The following FAM193A variants were observed in gnomAD, a reference collection of about 807,000 sequenced individuals.
The protein encoded by FAM193A is family with sequence similarity 193 member A.
Under a neutral mutation model 126.5 loss-of-function variants are expected in FAM193A, and 22 were observed. The observed-to-expected ratio is 0.17, with a 90% CI of 0.12 to 0.25. The LOEUF (loss-of-function observed/expected upper bound fraction) is 0.25. Ranked by LOEUF, FAM193A falls within the 10% of genes least tolerant of loss-of-function variation. The pLI, the probability that FAM193A is intolerant of heterozygous loss-of-function variation, is 1.00. For synonymous variants in FAM193A, 761 were observed against 646.8 expected (o/e 1.18, Z -2.68); for missense variants, 1,675 against 1,672.8 (o/e 1.00, Z -0.02).
intron 4 of FAM193A, among the ~76,000 whole-genome samples, chr4:2,627,807 A>G (rs1051898930): frequency 4.0e-5 from 6 of 151,260 alleles, no homozygotes; most frequent in African/African-American, 1.5e-4. Context: ...CAGTGGCGCA[A>G]TCTGGGCTCA....
chr4:2,545,044 G>GT (rs1296088197), intron 1 of FAM193A, among the ~76,000 whole-genome samples: 2 of 151,906 alleles, frequency 1.3e-5, no homozygotes, highest in African/African-American at 4.8e-5. Context: ...CCAGGCTGGA[G>GT]TGCAGTGGCG....
At chr4:2,607,870 A>G (rs1439579357) in intron 2 of FAM193A, 2 of 679,690 alleles carry the variant, frequency 2.9e-6, no homozygotes, top group Non-Finnish European at 4.9e-6. Context: ...TATTGGTTGT[A>G]TGTGTTGCAG....
intron 1 of FAM193A, among the ~76,000 whole-genome samples, chr4:2,538,229 C>G (rs1356164912): frequency 6.6e-6 from 1 of 150,850 alleles, no homozygotes; most frequent in Non-Finnish European, 1.5e-5. Context: ...AACGGAGTCT[C>G]GCTCTGTCGC....
chr4:2,615,676 G>A (rs1360450624), intron 2 of FAM193A, among the ~76,000 whole-genome samples: 9 of 151,792 alleles, frequency 5.9e-5, no homozygotes, highest in Admixed American at 5.3e-4. Flanking sequence ...GCGCCACCAC[G>A]CCCAGGTAAT....
At chr4:2,576,800 T>C (rs1203002189) in intron 1 of FAM193A, among the ~76,000 whole-genome samples, 4 of 152,242 alleles carry the variant, frequency 2.6e-5, no homozygotes, top group African/African-American at 9.6e-5. Context: ...GTAGGTGCTG[T>C]TGTTACCCCA....
chr4:2,588,107 A>G (rs565679587), intron 1 of FAM193A, among the ~76,000 whole-genome samples: 222 of 152,178 alleles, frequency 1.5e-3, no homozygotes, highest in Non-Finnish European at 2.2e-3. Context: ...GTGAATACCC[A>G]TCTTCCTTTA....
chr4:2,682,587 A>G lies in FAM193A; in HGVS notation c.2332-6919A>G, dbSNP rs1053080221. Among the ~76,000 whole-genome samples, 4 of 152,298 alleles carry G rather than the reference A, an allele frequency of 2.6e-5. No individual in the cohort carries two copies. The East Asian group carries it at 7.7e-4, about 29-fold the overall frequency. ...TGTTTGTAATTGTTTCCTATTCATT[A>G]TGAGTCTTTTTCTGCCTTCTCTACT... On this transcript the variant is annotated intron_variant, in intron 13 of 20. Coordinates refer to ENST00000637812, the MANE Select transcript of FAM193A (RefSeq NM_001366318.2).
At chr4:2,596,037 C>G in intron 1 of FAM193A, 47 bp from the exon 2 acceptor site, 1 of 666,646 alleles carries the variant, frequency 1.5e-6, no homozygotes, top group Non-Finnish European at 2.7e-6. Context: ...ATATTCTTGG[C>G]TTTGTAGATG....
intron 1 of FAM193A, among the ~76,000 whole-genome samples, chr4:2,580,316 G>A (rs1446382533): frequency 1.3e-5 from 2 of 152,166 alleles, no homozygotes; most frequent in Non-Finnish European, 2.9e-5. Context: ...AACATACACT[G>A]TGGCCTATCA....
intron 4 of FAM193A, among the ~76,000 whole-genome samples, chr4:2,629,623 G>A (rs1227238690): frequency 4.6e-5 from 7 of 152,118 alleles, no homozygotes; most frequent in Non-Finnish European, 7.4e-5. Flanking sequence ...TAGGTGAAAG[G>A]ATTTACTATG....
chr4:2,637,066 C>T (rs1744153317), intron 5 of FAM193A, among the ~76,000 whole-genome samples: 1 of 152,194 alleles, frequency 6.6e-6, no homozygotes, highest in East Asian at 1.9e-4. Context: ...GTGGCCCACA[C>T]CTGTAATCCC....
chr4:2,537,667 T>C (rs1736970281), intron 1 of FAM193A, among the ~76,000 whole-genome samples: 1 of 152,224 alleles, frequency 6.6e-6, no homozygotes, highest in Non-Finnish European at 1.5e-5. Flanking sequence ...GAAATGTTTC[T>C]CTGGCCACCT....
chr4:2,728,827 C>G (rs890342381), intron 20 of FAM193A, among the ~76,000 whole-genome samples: 6 of 144,588 alleles, frequency 4.1e-5, no homozygotes, highest in African/African-American at 1.6e-4. Flanking sequence ...TTAAAACATT[C>G]AAAGACAAAC....
upstream of FAM193A, chr4:2,536,624 C>T (rs1311904587): frequency 2.7e-5 from 4 of 150,266 alleles, no homozygotes; most frequent in Non-Finnish European, 5.9e-5. Context: ...CTGCTCCTTC[C>T]CCCTCCCCCG....
At chr4:2,731,409 C>T (rs1721377486) in intron 20 of FAM193A, among the ~76,000 whole-genome samples, 1 of 151,836 alleles carries the variant, frequency 6.6e-6, no homozygotes, top group South Asian at 2.1e-4. Flanking sequence ...TGGTCTCGAA[C>T]TCCTAAGTTG....
At chr4:2,643,125 A>G (rs1287244390) in intron 6 of FAM193A, among the ~76,000 whole-genome samples, 1 of 152,150 alleles carries the variant, frequency 6.6e-6, no homozygotes, top group Non-Finnish European at 1.5e-5. Flanking sequence ...CAGGGACAGA[A>G]TGAGGCCAAC....
At chr4:2,651,707 C>A (rs1037817814) in intron 7 of FAM193A, among the ~76,000 whole-genome samples, 1 of 152,214 alleles carries the variant, frequency 6.6e-6, no homozygotes, top group African/African-American at 2.4e-5. Context: ...CATGACGTCA[C>A]GGCAGACGTG....
intron 1 of FAM193A, among the ~76,000 whole-genome samples, chr4:2,548,787 ATG>A (rs1487655499): frequency 6.6e-6 from 1 of 151,742 alleles, no homozygotes; most frequent in Non-Finnish European, 1.5e-5. Flanking sequence ...AGAAAAAAAA[ATG>A]TGAATGAAGT....
chr4:2,616,986 C>G (rs865954403), intron 2 of FAM193A, among the ~76,000 whole-genome samples: 2 of 145,950 alleles, frequency 1.4e-5, no homozygotes, highest in Non-Finnish European at 3.0e-5. Context: ...TTGAGCAACA[C>G]GAAGAAACCC....
Sources: allele counts gnomAD v4.1 joint callset (sites outside exome capture counted in the v4.1 genomes callset), GRCh38; gene constraint gnomAD v4.1.1; transcripts MANE v1.5; gene names NCBI Gene and HGNC (gene_info 2026-07-23, HGNC 2026-07-21).